The following ZFAND6 variants were observed in gnomAD, a reference collection of about 807,000 sequenced individuals.
ZFAND6 encodes zinc finger AN1-type containing 6.
A neutral mutation model predicts 24.5 loss-of-function variants in ZFAND6; 12 were observed. The observed-to-expected ratio is 0.49, with a 90% CI of 0.31 to 0.79. The LOEUF (loss-of-function observed/expected upper bound fraction) is 0.79, where lower values mean the gene tolerates loss of function less well. Among genes scored for constraint, ZFAND6 ranks in the 30% least tolerant of loss-of-function variants. The pLI is 0.04. For synonymous variants in ZFAND6, 92 were observed against 81.5 expected (o/e 1.13, Z -0.69); for missense variants, 207 against 245.9 (o/e 0.84, Z 1.06).
At chr15:80,061,970 A>T (rs748517600) in intron 1 of ZFAND6, among the ~76,000 whole-genome samples, 2 of 152,210 alleles carry the variant, frequency 1.3e-5, no homozygotes, top group Non-Finnish European at 2.9e-5. Context: ...GAACATTTGC[A>T]TGAAAACCCA....
chr15:80,114,069 CATG>C (rs2039745763), intron 2 of ZFAND6, among the ~76,000 whole-genome samples: 2 of 152,092 alleles, frequency 1.3e-5, no homozygotes, highest in African/African-American at 4.8e-5. Context: ...CAAGAGTGAG[CATG>C]ATTTGTTTCA....
chr15:80,059,404 G>A (rs972281151), upstream of ZFAND6, among the ~76,000 whole-genome samples: 2 of 152,226 alleles, frequency 1.3e-5, no homozygotes, highest in African/African-American at 4.8e-5. Flanking sequence ...AAGCGCCCCA[G>A]AGAGGGCAGT....
chr15:80,076,183 A>G (rs987761289), intron 1 of ZFAND6, among the ~76,000 whole-genome samples: 14 of 152,100 alleles, frequency 9.2e-5, no homozygotes, highest in Admixed American at 7.9e-4. Context: ...ATACATATTA[A>G]TGGTTCCAAC....
chr15:80,120,110 A>T (rs1287837866), intron 2 of ZFAND6, among the ~76,000 whole-genome samples: 3 of 152,180 alleles, frequency 2.0e-5, no homozygotes, highest in South Asian at 2.1e-4. Flanking sequence ...GCCTGTACAG[A>T]CTTGGCTTAT....
chr15:80,076,617 A>G (rs950107018), intron 1 of ZFAND6, among the ~76,000 whole-genome samples: 1 of 152,218 alleles, frequency 6.6e-6, no homozygotes, highest in African/African-American at 2.4e-5. Context: ...CACGCTAAGT[A>G]CTGTTAGTCT....
chr15:80,087,202 A>G (rs1480307957), intron 1 of ZFAND6, among the ~76,000 whole-genome samples: 1 of 152,154 alleles, frequency 6.6e-6, no homozygotes, highest in Admixed American at 6.5e-5. Flanking sequence ...TCTTAGGATA[A>G]TTGCATGTTT....
At chr15:80,076,895 GAAAC>G (rs2037315089) in intron 1 of ZFAND6, among the ~76,000 whole-genome samples, 1 of 151,130 alleles carries the variant, frequency 6.6e-6, no homozygotes, top group Non-Finnish European at 1.5e-5. Flanking sequence ...TGCTTTAAGG[GAAAC>G]AAACATTAAA....
chr15:80,096,395 G>A (rs1024539412), intron 1 of ZFAND6, among the ~76,000 whole-genome samples: 1 of 152,150 alleles, frequency 6.6e-6, no homozygotes, highest in Admixed American at 6.5e-5. Context: ...CTGAAGCAAA[G>A]TTAGACACTT....
rs189125061 is a variant in ZFAND6, at chr15:80,069,553, A to G, written c.-181+9744A>G. Among the ~76,000 whole-genome samples the G allele has an allele frequency of 3.3e-3, 501 of 152,310 alleles. 1 individual carries two copies. The highest frequency in any genetic ancestry group is 5.6e-3 in the South Asian group (27 of 4,828). ...GTAATCTTTTCCCTAAGGAGTCAGG[A>G]GAGATACACCAGGAATTGCAGGCTC... On this transcript the variant is annotated intron_variant, in intron 1 of 6. Coordinates refer to ENST00000261749, the MANE Select transcript of ZFAND6 (RefSeq NM_019006.4).
intron 1 of ZFAND6, among the ~76,000 whole-genome samples, chr15:80,074,879 A>G (rs549201279): frequency 3.8e-4 from 58 of 152,186 alleles, no homozygotes; most frequent in African/African-American, 1.3e-3. Flanking sequence ...AGACAATTCT[A>G]AGACAATCAT....
chr15:80,094,423 A>G (rs2038583981), intron 1 of ZFAND6, among the ~76,000 whole-genome samples: 1 of 152,206 alleles, frequency 6.6e-6, no homozygotes, highest in Non-Finnish European at 1.5e-5. Flanking sequence ...CTAAGGCCTG[A>G]TGATCTGAGG....
At chr15:80,064,703 C>T (rs1251771915) in intron 1 of ZFAND6, among the ~76,000 whole-genome samples, 1 of 152,032 alleles carries the variant, frequency 6.6e-6, no homozygotes, top group Admixed American at 6.6e-5. Context: ...GGCAGTGGTG[C>T]AGTCATGGTT....
In ZFAND6 at chr15:80,109,672, C is replaced by G. The variant is rs187609189; in HGVS notation, c.-17-10656C>G. On this transcript the variant is annotated intron_variant, in intron 2 of 6. Transcript: ENST00000261749. ...TTTTAACGCTTTGTAAGTTGGGAAG[C>G]CACTGGAAGATTTTGAGTAAGCAGG... Among the ~76,000 whole-genome samples the G allele has an allele frequency of 2.0e-5, 3 of 152,200 alleles. No individual in the cohort carries two copies. The East Asian group carries it at 5.8e-4, about 29-fold the overall frequency.
chr15:80,086,221 A>G (rs1205342156), intron 1 of ZFAND6, among the ~76,000 whole-genome samples: 1 of 151,956 alleles, frequency 6.6e-6, no homozygotes, highest in Non-Finnish European at 1.5e-5. Context: ...TATTTTTAGT[A>G]GAGATGGGAT....
At chr15:80,096,712 A>G (rs2038743721) in intron 1 of ZFAND6, among the ~76,000 whole-genome samples, 1 of 152,190 alleles carries the variant, frequency 6.6e-6, no homozygotes, top group Non-Finnish European at 1.5e-5. Flanking sequence ...GACATCTTTA[A>G]GTTTTTCCTA....
At chr15:80,084,004 T>C (rs908628845) in intron 1 of ZFAND6, among the ~76,000 whole-genome samples, 1 of 152,196 alleles carries the variant, frequency 6.6e-6, no homozygotes, top group Non-Finnish European at 1.5e-5. Flanking sequence ...CTGATCACCC[T>C]GAGAGGATTT....
intron 5 of ZFAND6, chr15:80,130,276 C>T (rs556999101): frequency 1.5e-4 from 23 of 152,230 alleles, no homozygotes; most frequent in African/African-American, 5.5e-4. Flanking sequence ...AGAGGAGGAC[C>T]TAGATCAAAT....
rs549701378 is a variant in ZFAND6 at position 80,084,150 on chromosome 15, A to G, written c.-180-14266A>G. Among the ~76,000 whole-genome samples, 5 of 152,334 alleles carry G rather than the reference A, an allele frequency of 3.3e-5. No homozygotes were observed. In the East Asian group the frequency reaches 9.6e-4, roughly 29 times the overall value. ...TATGAAGTCTGTTTAAGCCTAGATC[A>G]GGGTTAGGCATGATTACAGCACACA... is the stretch of plus-strand genomic sequence containing the variant. On this transcript the variant is annotated intron_variant, in intron 1 of 6. Coordinates refer to ENST00000261749, the MANE Select transcript of ZFAND6 (RefSeq NM_019006.4).
intron 1 of ZFAND6, among the ~76,000 whole-genome samples, chr15:80,066,549 G>A (rs1307328460): frequency 6.6e-6 from 1 of 152,042 alleles, no homozygotes; most frequent in Non-Finnish European, 1.5e-5. Context: ...CTGACCTCAG[G>A]TGATCCACCC....
Sources: gnomAD v4.1 joint callset for allele counts (sites outside exome capture counted in the v4.1 genomes callset) on GRCh38, gnomAD v4.1.1 for gene constraint, MANE v1.5 for transcripts, NCBI Gene and HGNC (gene_info 2026-07-23, HGNC 2026-07-21) for gene names.